PRDM16: variants seen among roughly 807,000 people sequenced by gnomAD.
PRDM16 encodes PR/SET domain 16.
In PRDM16, 23 loss-of-function variants were observed where a neutral mutation model predicts 110.6. The ratio of observed to expected loss-of-function variants is 0.21; its 90% CI spans 0.15 to 0.29. The LOEUF is 0.29. PRDM16 is among the 10% of genes least tolerant of loss of function. The probability of loss-of-function intolerance (pLI) is 1.00; values close to 1 mark genes in which losing one functional copy is unlikely to be tolerated. For synonymous variants in PRDM16, 799 were observed against 781.8 expected (o/e 1.02, Z -0.37); for missense variants, 1,615 against 1,794.3 (o/e 0.90, Z 1.81).
intron 1 of PRDM16, among the ~76,000 whole-genome samples, chr1:3,099,045 G>A (rs546344214): frequency 2.0e-5 from 3 of 152,230 alleles, no homozygotes; most frequent in Non-Finnish European, 2.9e-5. Context: ...AAGCCCCATC[G>A]AGGGGACCCA....
intron 3 of PRDM16, among the ~76,000 whole-genome samples, chr1:3,254,560 C>T (rs1477815239): frequency 6.6e-6 from 1 of 152,162 alleles, no homozygotes; most frequent in African/African-American, 2.4e-5. Flanking sequence ...TTCACAATTG[C>T]TTCAAAGAGA....
At chr1:3,294,520 C>T (rs1027379338) in intron 3 of PRDM16, among the ~76,000 whole-genome samples, 1 of 152,072 alleles carries the variant, frequency 6.6e-6, no homozygotes, top group Non-Finnish European at 1.5e-5. Context: ...GCCCCTCTGC[C>T]CCAACATCAG....
rs1060504136 is a variant in PRDM16 at position 3,385,148 on chromosome 1, G to A, written c.439-4G>A. On this transcript the variant is annotated splice_polypyrimidine_tract_variant and splice_region_variant and intron_variant, in intron 3 of 16. Transcript: ENST00000270722. The stretch of plus-strand genomic sequence containing the variant: ...TGACTCCCGCTTCGCTTTCCTCCCA[G>A]CAGATCTCCGAAGACCTGGGCAGTG... The A allele has an allele frequency of 3.7e-6, 6 of 1,613,428 alleles. No homozygotes were observed. The highest frequency in any genetic ancestry group is 5.1e-6 in the Non-Finnish European group (6 of 1,180,018).
intron 1 of PRDM16, among the ~76,000 whole-genome samples, chr1:3,096,686 C>G (rs1392957075): frequency 6.6e-6 from 1 of 152,196 alleles, no homozygotes; most frequent in Admixed American, 6.5e-5. Flanking sequence ...ACGGCCCCGT[C>G]CCAGGGCTGC....
chr1:3,156,933 G>A (rs1203280452), intron 1 of PRDM16, among the ~76,000 whole-genome samples: 2 of 152,222 alleles, frequency 1.3e-5, no homozygotes, highest in Non-Finnish European at 2.9e-5. Flanking sequence ...GTGGGGACAC[G>A]GGGTCTCCCA....
chr1:3,137,776 G>A (rs935195815), intron 1 of PRDM16, among the ~76,000 whole-genome samples: 1 of 152,248 alleles, frequency 6.6e-6, no homozygotes, highest in African/African-American at 2.4e-5. Flanking sequence ...TCCTGCACAG[G>A]AGCGCACTGC....
At chr1:3,221,646 C>T (rs781338751) in intron 2 of PRDM16, among the ~76,000 whole-genome samples, 3 of 152,224 alleles carry the variant, frequency 2.0e-5, no homozygotes, top group Admixed American at 6.5e-5. Flanking sequence ...CTTCTCCCCT[C>T]AATGCCTGCC....
intron 1 of PRDM16, among the ~76,000 whole-genome samples, chr1:3,120,505 T>G (rs1043539904): frequency 2.6e-5 from 4 of 152,082 alleles, no homozygotes; most frequent in African/African-American, 9.7e-5. Context: ...GGTCATTTCT[T>G]TTTAGCTACC....
chr1:3,251,403 C>A (rs1639929450), intron 3 of PRDM16, among the ~76,000 whole-genome samples: 1 of 152,112 alleles, frequency 6.6e-6, no homozygotes, highest in Non-Finnish European at 1.5e-5. Context: ...GCTCTGGGCA[C>A]CCGGCGTGAG....
chr1:3,371,790 C>G (rs1642913119), intron 3 of PRDM16, among the ~76,000 whole-genome samples: 2 of 152,238 alleles, frequency 1.3e-5, no homozygotes, highest in Admixed American at 1.3e-4. Flanking sequence ...CACCCACCGC[C>G]CAGCCCATCT....
intron 1 of PRDM16, among the ~76,000 whole-genome samples, chr1:3,074,866 G>T (rs898661019): frequency 6.6e-6 from 1 of 152,276 alleles, no homozygotes; most frequent in East Asian, 1.9e-4. Context: ...CTGAGCTGCA[G>T]GGTGGAAGGG....
In PRDM16 at chr1:3,134,512, C is replaced by T. The variant is rs1440006357; in HGVS notation, c.38-51613C>T. Among the ~76,000 whole-genome samples the T allele has an allele frequency of 2.6e-5, 4 of 152,208 alleles. No individual in the cohort carries two copies. In the South Asian group the frequency reaches 8.3e-4, roughly 31 times the overall value. On this transcript the variant is annotated intron_variant, in intron 1 of 16. Coordinates refer to ENST00000270722, the MANE Select transcript of PRDM16 (RefSeq NM_022114.4). ...CCGCACAGCCTCTGGCATCAGAACTCGCACCCTTGTGCACTCCTGGGAAGC... is the reference window on the plus strand; with the variant it reads ...CCGCACAGCCTCTGGCATCAGAACTTGCACCCTTGTGCACTCCTGGGAAGC...
chr1:3,274,144 A>T (rs1205140747), intron 3 of PRDM16, among the ~76,000 whole-genome samples: 1 of 152,230 alleles, frequency 6.6e-6, no homozygotes, highest in East Asian at 1.9e-4. Context: ...AGCTTCTTTA[A>T]TAAAAAGTGT....
intron 11 of PRDM16, among the ~76,000 whole-genome samples, chr1:3,418,409 G>T (rs1340555352): frequency 6.6e-6 from 1 of 152,170 alleles, no homozygotes; most frequent in Admixed American, 6.5e-5. Flanking sequence ...AGCCTGCCCT[G>T]TTCACCGCCA....
intron 2 of PRDM16, among the ~76,000 whole-genome samples, chr1:3,239,737 C>G (rs1639617856): frequency 6.6e-6 from 1 of 152,048 alleles, no homozygotes; most frequent in Admixed American, 6.6e-5. Context: ...TTGCTTGAGC[C>G]CAGGAGTTAG....
At position 3,119,794 on chromosome 1, in the gene PRDM16, C is replaced by T. The variant is rs141049593; in HGVS notation, c.37+50498C>T. 5.6e-4 allele frequency among the ~76,000 whole-genome samples: 86 copies of T among 152,316 alleles called. 1 individual carries two copies. Among genetic ancestry groups the T allele is most frequent in the African/African-American group, 1.9e-3 (79 of 41,578 alleles). ...GTTAAGTGTTTGGAATTGCTGCAGA[C>T]GCTGAGAAAGGCCTGCCCCTGTCAC... On this transcript the variant is annotated intron_variant, in intron 1 of 16. Transcript: ENST00000270722.
At chr1:3,263,030 G>T (rs868562841) in intron 3 of PRDM16, among the ~76,000 whole-genome samples, 1 of 152,124 alleles carries the variant, frequency 6.6e-6, no homozygotes, top group African/African-American at 2.4e-5. Context: ...ATGAGGCATC[G>T]CAGGGGCACC....
intron 3 of PRDM16, among the ~76,000 whole-genome samples, chr1:3,266,591 G>A (rs921837170): frequency 3.9e-5 from 6 of 152,222 alleles, no homozygotes; most frequent in African/African-American, 7.2e-5. Flanking sequence ...AGACCCGCTT[G>A]TCTCGCAGGC....
chr1:3,331,524 A>G (rs1463837678), intron 3 of PRDM16, among the ~76,000 whole-genome samples: 1 of 152,178 alleles, frequency 6.6e-6, no homozygotes, highest in Non-Finnish European at 1.5e-5. Flanking sequence ...TAACTACTAC[A>G]AAGGGACACA....
Sources: gnomAD v4.1 joint callset for allele counts (sites outside exome capture counted in the v4.1 genomes callset) on GRCh38, gnomAD v4.1.1 for gene constraint, MANE v1.5 for transcripts, NCBI Gene and HGNC (gene_info 2026-07-23, HGNC 2026-07-21) for gene names.